The following ADK variants were observed in gnomAD, a reference collection of about 807,000 sequenced individuals.
ADK encodes the protein adenosine kinase.
ADK carries 24 observed loss-of-function variants against 44.7 expected under a neutral mutation model. The observed-to-expected ratio is 0.54, with a 90% CI of 0.39 to 0.76. ADK has a LOEUF of 0.76. Ranked by LOEUF, ADK falls within the 30% of genes least tolerant of loss-of-function variation. ADK has a pLI of 0.00. For missense variants in ADK, 321 were observed against 425.1 expected, an observed-to-expected ratio of 0.76 and a Z score of 2.15; for synonymous variants, 128 against 142.6, an observed-to-expected ratio of 0.90 and a Z score of 0.73.
intron 7 of ADK, among the ~76,000 whole-genome samples, chr10:74,577,080 A>G (rs1228532633): frequency 6.7e-6 from 1 of 149,974 alleles, no homozygotes; most frequent in Non-Finnish European, 1.5e-5. Context: ...CATCTACTAC[A>G]TGCTCCACTT....
At chr10:74,514,594 C>A (rs1007114449) in intron 6 of ADK, among the ~76,000 whole-genome samples, 4 of 151,828 alleles carry the variant, frequency 2.6e-5, no homozygotes, top group Non-Finnish European at 4.4e-5. Flanking sequence ...TCTAGGATTT[C>A]TGCTTCATTC....
chr10:74,567,207 A>G (rs1214066457), intron 7 of ADK, among the ~76,000 whole-genome samples: 1 of 152,188 alleles, frequency 6.6e-6, no homozygotes, highest in Non-Finnish European at 1.5e-5. Context: ...ATTACACTGT[A>G]TCTTGGAATT....
At chr10:74,700,985 A>G (rs1267097575) in intron 10 of ADK, among the ~76,000 whole-genome samples, 2 of 152,260 alleles carry the variant, frequency 1.3e-5, no homozygotes, top group Non-Finnish European at 2.9e-5. Flanking sequence ...AATCTAAGTT[A>G]CATGCTGAAC....
intron 7 of ADK, among the ~76,000 whole-genome samples, chr10:74,559,095 C>G (rs994887806): frequency 1.3e-5 from 2 of 152,224 alleles, no homozygotes; most frequent in African/African-American, 4.8e-5. Flanking sequence ...CCCTCTCAGG[C>G]CTGCAGCCTC....
chr10:74,555,066 G>A (rs545750943), intron 7 of ADK, among the ~76,000 whole-genome samples: 1 of 152,170 alleles, frequency 6.6e-6, no homozygotes, highest in African/African-American at 2.4e-5. Context: ...GGAGGCCAAG[G>A]CAGGAAGATC....
intron 7 of ADK, among the ~76,000 whole-genome samples, chr10:74,553,653 C>T (rs765413668): frequency 7.9e-5 from 12 of 152,094 alleles, no homozygotes; most frequent in Non-Finnish European, 1.2e-4. Context: ...TTCAAACAAA[C>T]AAAAACAGTC....
chr10:74,677,965 CAAA>C (rs3037448), intron 10 of ADK, among the ~76,000 whole-genome samples: 6 of 43,052 alleles, frequency 1.4e-4, no homozygotes, highest in Admixed American at 8.5e-4. Flanking sequence ...CCAGTCTCTA[CAAA>C]AAAAAAAAAA....
intron 7 of ADK, among the ~76,000 whole-genome samples, chr10:74,575,942 G>A (rs1277680863): frequency 6.6e-6 from 1 of 152,074 alleles, no homozygotes; most frequent in South Asian, 2.1e-4. Flanking sequence ...AGAGTTTTAG[G>A]TATTATAGGA....
chr10:74,639,278 G>A (rs990174662), intron 9 of ADK, among the ~76,000 whole-genome samples: 2 of 152,144 alleles, frequency 1.3e-5, no homozygotes, highest in Non-Finnish European at 2.9e-5. Flanking sequence ...TATTGCTAGA[G>A]TGTAAATTGG....
chr10:74,216,731 A>AT (rs955569111), intron 2 of ADK, among the ~76,000 whole-genome samples: 11 of 151,528 alleles, frequency 7.3e-5, no homozygotes, highest in Middle Eastern at 3.4e-3. Context: ...TCTCAAAAAA[A>AT]AAAATAAAAA....
intron 1 of ADK, among the ~76,000 whole-genome samples, chr10:74,177,222 A>G (rs1219090937): frequency 6.7e-6 from 1 of 148,650 alleles, no homozygotes; most frequent in East Asian, 1.9e-4. Context: ...GGCCGGAGGG[A>G]GCGTGGCGTG....
intron 10 of ADK, among the ~76,000 whole-genome samples, chr10:74,697,831 A>G (rs945436372): frequency 2.0e-5 from 3 of 152,182 alleles, no homozygotes; most frequent in Admixed American, 2.0e-4. Context: ...TTGCCTTTTG[A>G]GCACACCAGC....
intron 7 of ADK, chr10:74,528,281 T>TA: frequency 4.2e-6 from 1 of 240,704 alleles, no homozygotes; most frequent in Non-Finnish European, 7.9e-6. Context: ...ACACTGAACT[T>TA]ATAAAAGTTT....
At chr10:74,679,538 A>G (rs1448596257) in intron 10 of ADK, among the ~76,000 whole-genome samples, 1 of 151,912 alleles carries the variant, frequency 6.6e-6, no homozygotes, top group Non-Finnish European at 1.5e-5. Flanking sequence ...TCACTGATCA[A>G]CCATATTTTT....
At position 74,151,248 on chromosome 10, in the gene ADK, T is replaced by C; in HGVS notation, c.-31T>C. ...CAGAGAGTGGATGGCAGAGGTGGGC[T>C]GTAGAGCCAAAGTGGGGTGGGAGCG... On this transcript the variant is annotated 5_prime_UTR_variant, in exon 1 of 11. Coordinates refer to ENST00000539909, the MANE Select transcript of ADK (RefSeq NM_006721.4). 8 of 1,549,228 alleles carry C rather than the reference T, an allele frequency of 5.2e-6. No homozygotes were observed. Among genetic ancestry groups the C allele is most frequent in the Non-Finnish European group, 7.0e-6 (8 of 1,146,698 alleles).
chr10:74,582,001 GATAAAA>G (rs1372701029), intron 7 of ADK, among the ~76,000 whole-genome samples: 3 of 152,084 alleles, frequency 2.0e-5, no homozygotes, highest in Non-Finnish European at 4.4e-5. Context: ...TCATCTGTAA[GATAAAA>G]ATAATGCTAA....
intron 3 of ADK, among the ~76,000 whole-genome samples, chr10:74,285,024 T>G (rs1847104194): frequency 2.6e-5 from 4 of 152,246 alleles, no homozygotes; most frequent in Admixed American, 2.6e-4. Flanking sequence ...CTTTTTTAAG[T>G]GCTAGGCACT....
chr10:74,218,339 A>G (rs1185167235), intron 2 of ADK, among the ~76,000 whole-genome samples: 2 of 152,166 alleles, frequency 1.3e-5, no homozygotes, highest in Admixed American at 1.3e-4. Flanking sequence ...AAAAGAAACA[A>G]TCAAAGCTTC....
intron 2 of ADK, among the ~76,000 whole-genome samples, chr10:74,222,185 C>G (rs1318704550): frequency 6.6e-6 from 1 of 152,080 alleles, no homozygotes; most frequent in Non-Finnish European, 1.5e-5. Flanking sequence ...ACAACCCCAT[C>G]AAAAAGTGGG....
Sources: allele counts gnomAD v4.1 joint callset (sites outside exome capture counted in the v4.1 genomes callset), GRCh38; gene constraint gnomAD v4.1.1; transcripts MANE v1.5; gene names NCBI Gene and HGNC (gene_info 2026-07-23, HGNC 2026-07-21).